The following TUSC3 variants were observed in gnomAD, a reference collection of about 807,000 sequenced individuals.
TUSC3 encodes the protein tumor suppressor candidate 3.
A neutral mutation model predicts 44.8 loss-of-function variants in TUSC3; 45 were observed. That is an observed-to-expected ratio of 1.00 (90% CI 0.79 to 1.29). The LOEUF (loss-of-function observed/expected upper bound fraction) is 1.29. Ranked by LOEUF, TUSC3 falls within the 50% of genes most tolerant of loss-of-function variation. The pLI, the probability that TUSC3 is intolerant of heterozygous loss-of-function variation, is 0.00. For missense variants in TUSC3, 519 were observed against 437.9 expected (o/e 1.19, Z -1.65); for synonymous variants, 212 against 152.9 (o/e 1.39, Z -2.85).
At chr8:15,515,617 T>C (rs1801205654) in intron 2 of TUSC3, among the ~76,000 whole-genome samples, 2 of 152,054 alleles carry the variant, frequency 1.3e-5, no homozygotes, top group Non-Finnish European at 2.9e-5. Context: ...GTTTTTCTGA[T>C]GGAAATATTT....
At chr8:15,575,323 A>C (rs1803055430) in intron 1 of TUSC3, among the ~76,000 whole-genome samples, 1 of 152,138 alleles carries the variant, frequency 6.6e-6, no homozygotes, top group Non-Finnish European at 1.5e-5. Flanking sequence ...GAATTATTTG[A>C]TTTTATTTTG....
intron 1 of TUSC3, among the ~76,000 whole-genome samples, chr8:15,417,909 C>T (rs556454478): frequency 6.6e-6 from 1 of 152,168 alleles, no homozygotes; most frequent in South Asian, 2.1e-4. Context: ...GGTACAGGAG[C>T]CTGCCGATAT....
At position 15,764,333 on chromosome 8, in the gene TUSC3, C is replaced by G. The variant is rs1355142519; in HGVS notation, c.*177C>G. The G allele has an allele frequency of 2.6e-6, 3 of 1,159,902 alleles. No individual in the cohort carries two copies. The East Asian group carries it at 7.6e-5, about 29-fold the overall frequency. 71.9% of individuals were successfully genotyped at this position (1,159,902 alleles called of 1,614,324 possible). ...TGATCAGCTAGCTTATTCTTGTGTA[C>G]TTTTTTTAAACTGTGGGTTTTCCTA... is the stretch of plus-strand genomic sequence containing the variant. On this transcript the variant is annotated 3_prime_UTR_variant, in exon 11 of 11. Transcript: ENST00000503731.
At chr8:15,686,706 G>A (rs1281346357) in intron 6 of TUSC3, among the ~76,000 whole-genome samples, 2 of 152,004 alleles carry the variant, frequency 1.3e-5, no homozygotes, top group East Asian at 1.9e-4. Context: ...AGGGCATTCA[G>A]TAGCTTTATT....
intron 9 of TUSC3, among the ~76,000 whole-genome samples, chr8:15,757,336 A>ATT (rs1811969129): frequency 6.6e-6 from 1 of 152,206 alleles, no homozygotes; most frequent in Non-Finnish European, 1.5e-5. Context: ...AAGGAAATGT[A>ATT]CAGAATAACA....
the TUSC3 span, among the ~76,000 whole-genome samples, chr8:15,839,014 T>G: frequency 6.6e-6 from 1 of 152,216 alleles, no homozygotes; most frequent in African/African-American, 2.4e-5. Context: ...TCCACTTGTT[T>G]GTATCCTCTT....
chr8:15,517,641 C>T (rs960133948), intron 2 of TUSC3, among the ~76,000 whole-genome samples: 2 of 148,932 alleles, frequency 1.3e-5, no homozygotes, highest in Non-Finnish European at 3.0e-5. Flanking sequence ...GAATGTATAC[C>T]TCAAAAGGAG....
chr8:15,554,472 C>A (rs939118086), intron 1 of TUSC3, among the ~76,000 whole-genome samples: 13 of 151,618 alleles, frequency 8.6e-5, no homozygotes, highest in South Asian at 2.1e-4. Context: ...GCCTCCCTGA[C>A]AACTCACAAT....
chr8:15,490,920 A>T (rs1455496375), intron 2 of TUSC3, among the ~76,000 whole-genome samples: 3 of 152,168 alleles, frequency 2.0e-5, no homozygotes, highest in Admixed American at 2.0e-4. Context: ...GGAACACAAA[A>T]CTATCAGAAA....
rs914348344 is a variant in TUSC3 at position 15,544,915 on chromosome 8, C to A, written c.138+4347C>A. 1.3e-5 allele frequency among the ~76,000 whole-genome samples: 2 copies of A among 151,724 alleles called. 1 individual carries two copies. The highest frequency in any genetic ancestry group is 2.9e-5 in the Non-Finnish European group (2 of 67,892). ...CTGCTTGTCAGGAATGCCATAGTGTCATGGATGATGGCAGAAGACATGGGA... is the reference window on the plus strand; with the variant it reads ...CTGCTTGTCAGGAATGCCATAGTGTAATGGATGATGGCAGAAGACATGGGA... On this transcript the variant is annotated intron_variant, in intron 1 of 10. Coordinates refer to ENST00000503731, the MANE Select transcript of TUSC3 (RefSeq NM_006765.4).
chr8:15,471,013 A>T (rs1377653744), intron 1 of TUSC3, among the ~76,000 whole-genome samples: 1 of 152,218 alleles, frequency 6.6e-6, no homozygotes, highest in African/African-American at 2.4e-5. Flanking sequence ...CATCAAGTAG[A>T]TGATAATCAT....
In TUSC3 at chr8:15,670,062, A is replaced by G. The variant is rs147163126; in HGVS notation, c.709-3685A>G. On this transcript the variant is annotated intron_variant, in intron 5 of 10. Coordinates refer to ENST00000503731, the MANE Select transcript of TUSC3 (RefSeq NM_006765.4). ...CAAAAAGTTTTGAATCAATCTAATA[A>G]AAGATATGCACACTGAAAACTGAAA... Among the ~76,000 whole-genome samples the G allele has an allele frequency of 1.8e-4, 27 of 152,030 alleles. No individual in the cohort carries two copies. In the East Asian group the frequency reaches 5.2e-3, roughly 29 times the overall value.
chr8:15,743,366 G>A, intron 7 of TUSC3, 172 bp from the exon 8 acceptor site: 1 of 663,300 alleles, frequency 1.5e-6, no homozygotes, highest in South Asian at 1.8e-5. Flanking sequence ...TTAAAGTTAA[G>A]GCATATTTGC....
Position 15,554,386 on chromosome 8 carries a change from T to A in TUSC3, c.138+13818T>A, listed in dbSNP as rs143734051. ...CATGCTTTGCTGTATTCTTTTTTCCTGTCTTGTGCTGACTGGGAATGTTTG... is the reference window on the plus strand; with the variant it reads ...CATGCTTTGCTGTATTCTTTTTTCCAGTCTTGTGCTGACTGGGAATGTTTG... On this transcript the variant is annotated intron_variant, in intron 1 of 10. Coordinates refer to ENST00000503731, the MANE Select transcript of TUSC3 (RefSeq NM_006765.4). 6.4e-3 allele frequency among the ~76,000 whole-genome samples: 968 copies of A among 151,770 alleles called. 14 individuals are homozygous for A. The highest frequency in any genetic ancestry group is 0.011 in the Non-Finnish European group (733 of 67,878).
chr8:15,491,593 C>T (rs1005713332), intron 2 of TUSC3, among the ~76,000 whole-genome samples: 1 of 152,172 alleles, frequency 6.6e-6, no homozygotes, highest in African/African-American at 2.4e-5. Flanking sequence ...CTTACATACA[C>T]TGTGACAAAT....
intron 2 of TUSC3, among the ~76,000 whole-genome samples, chr8:15,504,621 AT>A (rs869264757): frequency 2.9e-3 from 58 of 20,246 alleles, no homozygotes; most frequent in African/African-American, 5.6e-3. Context: ...ATATATATAT[AT>A]TTTTTTTTTT....
chr8:15,503,261 C>G (rs761763962), intron 2 of TUSC3, among the ~76,000 whole-genome samples: 1 of 152,146 alleles, frequency 6.6e-6, no homozygotes, highest in Non-Finnish European at 1.5e-5. Flanking sequence ...TGGCCATCTA[C>G]AAGCCAAGGA....
intron 1 of TUSC3, among the ~76,000 whole-genome samples, chr8:15,464,562 T>C (rs1024455184): frequency 1.3e-5 from 2 of 152,204 alleles, no homozygotes; most frequent in African/African-American, 4.8e-5. Context: ...TATTCAATAT[T>C]TAGATATGTT....
chr8:15,760,871 C>T (rs352805), intron 10 of TUSC3, among the ~76,000 whole-genome samples: 132,961 of 152,224 alleles, frequency 0.87, 58,303 homozygotes, highest in East Asian at 0.97. Flanking sequence ...CCAGTTTCTT[C>T]GGTCGAGGCT....
Sources: gnomAD v4.1 joint callset for allele counts (sites outside exome capture counted in the v4.1 genomes callset) on GRCh38, gnomAD v4.1.1 for gene constraint, MANE v1.5 for transcripts, NCBI Gene and HGNC (gene_info 2026-07-23, HGNC 2026-07-21) for gene names.